NUMA1: variants seen among roughly 807,000 people sequenced by gnomAD.
NUMA1 encodes the protein nuclear mitotic apparatus protein 1, also known as SP-H antigen.
Under a neutral mutation model 237.1 loss-of-function variants are expected in NUMA1, and 62 were observed. The ratio of observed to expected loss-of-function variants is 0.26; its 90% confidence interval spans 0.21 to 0.32. NUMA1 has a LOEUF of 0.32. Ranked by LOEUF, NUMA1 falls within the 10% of genes least tolerant of loss-of-function variation. The probability of loss-of-function intolerance (pLI) is 1.00; values close to 1 mark genes in which losing one functional copy is unlikely to be tolerated. For synonymous variants in NUMA1, 1,028 were observed against 1,066.1 expected, an observed-to-expected ratio of 0.96 and a Z score of 0.70; for missense variants, 2,533 against 2,666.5, an observed-to-expected ratio of 0.95 and a Z score of 1.10.
At chr11:72,043,019 G>A (rs2135902200) in intron 2 of NUMA1, among the ~76,000 whole-genome samples, 1 of 152,272 alleles carries the variant, frequency 6.6e-6, no homozygotes, top group South Asian at 2.1e-4. Flanking sequence ...CTACTTGGGA[G>A]GCTGAGGTGG....
intron 7 of NUMA1, among the ~76,000 whole-genome samples, chr11:72,021,969 A>C (rs1938901127): frequency 6.6e-6 from 1 of 151,180 alleles, no homozygotes; most frequent in Admixed American, 6.6e-5. Context: ...TACCAGAGGA[A>C]AGGATGAGAT....
At chr11:72,027,892 A>G (rs1417555339) in intron 4 of NUMA1, among the ~76,000 whole-genome samples, 1 of 152,250 alleles carries the variant, frequency 6.6e-6, no homozygotes, top group Non-Finnish European at 1.5e-5. Flanking sequence ...ATTAGAGATC[A>G]GCGCCAAGGA....
At chr11:72,003,625 C>T (rs1013554561) in intron 26 of NUMA1, 87 bp from the exon 27 acceptor site, 55 of 1,545,942 alleles carry the variant, frequency 3.6e-5, no homozygotes, top group South Asian at 2.5e-4. Context: ...CCTGCTCCCA[C>T]GCCCCTGTCT....
intron 25 of NUMA1, 33 bp downstream of exon 25, chr11:72,004,192 C>T (rs1238372348): frequency 3.1e-6 from 5 of 1,603,440 alleles, no homozygotes; most frequent in Middle Eastern, 1.7e-4. Flanking sequence ...CCCGCCAGGG[C>T]GTCGCTTCAT....
intron 3 of NUMA1, among the ~76,000 whole-genome samples, chr11:72,031,762 T>A (rs986380381): frequency 4.6e-5 from 7 of 152,066 alleles, no homozygotes; most frequent in African/African-American, 1.7e-4. Flanking sequence ...TACAGCGAGC[T>A]ATGATCACAC....
chr11:72,056,306 G>A (rs1384642526), intron 2 of NUMA1, among the ~76,000 whole-genome samples: 4 of 146,912 alleles, frequency 2.7e-5, no homozygotes, highest in East Asian at 2.0e-4. Flanking sequence ...CCTGAGTGAC[G>A]CAGCAAGATC....
Position 72,015,919 on chromosome 11 carries a change from G to A in NUMA1, c.1584C>T (p.Ala528=), listed in dbSNP as rs762424065. The change falls in exon 15 of 27, where the codon GCC becomes GCT. Residue 528 remains alanine (A), a synonymous_variant. Coordinates refer to ENST00000393695, the MANE Select transcript of NUMA1 (RefSeq NM_006185.4). The surrounding 1 kb of genome is among the most constrained non-coding windows in gnomAD (Gnocchi z 4.0). ...DQELAGLKQQ[A]KEKQAQLAQT... ...GTGCTAGCTGGGCCTGCTTCTCTTT[G>A]GCCTGCTGCTTCAGGCCAGCCAGTT... The A allele has an allele frequency of 1.2e-6, 2 of 1,613,936 alleles. No homozygotes were observed. Among genetic ancestry groups the A allele is most frequent in the East Asian group, 4.5e-5 (2 of 44,888 alleles).
In NUMA1 at chr11:72,014,679, C is replaced by G. The variant is rs762463840; in HGVS notation, c.2824G>C (p.Ala942Pro). The G allele has an allele frequency of 6.2e-7, 1 of 1,613,534 alleles. No homozygotes were observed. Among genetic ancestry groups the G allele is most frequent in the East Asian group, 2.2e-5 (1 of 44,878 alleles). ...TASRELVKEP[A>P]RAGDRQPEWL... ...TCGGGCTGTCTGTCTCCTGCCCTCG[C>G]AGGCTCCTTGACTAACTCCCGGGAG... Residue 942 changes from alanine (A) to proline (P), a missense_variant, in exon 15 of 27, where the codon GCG (alanine) becomes CCG (proline). Physicochemically the swap from Ala to Pro is conservative, Grantham distance 27. Transcript: ENST00000393695. The surrounding 1 kb of genome is among the most constrained non-coding windows in gnomAD (Gnocchi z 4.6).
chr11:72,021,034 A>T, intron 8 of NUMA1, 170 bp downstream of exon 8: 1 of 619,746 alleles, frequency 1.6e-6, no homozygotes, highest in Non-Finnish European at 2.9e-6. Context: ...AACTGAGATG[A>T]TACAACATGG....
chr11:72,019,353 G>A lies in NUMA1; in HGVS notation c.584+141C>T, dbSNP rs939269803. On this transcript the variant is annotated intron_variant, in intron 9 of 26. Coordinates refer to ENST00000393695, the MANE Select transcript of NUMA1 (RefSeq NM_006185.4). ...CAACCACTTCCCCCAGTTAATACTG[G>A]GTGAGGTGAGGAGATCCCAGATCTA... 5 of 1,124,586 alleles carry A rather than the reference G, an allele frequency of 4.4e-6. 1 individual carries two copies. The highest frequency in any genetic ancestry group is 1.3e-6 in the Non-Finnish European group (1 of 791,438). 69.7% of individuals were successfully genotyped at this position (1,124,586 alleles called of 1,614,324 possible).
chr11:72,075,396 G>A (rs1943663280), intron 1 of NUMA1, among the ~76,000 whole-genome samples: 1 of 152,156 alleles, frequency 6.6e-6, no homozygotes, highest in South Asian at 2.1e-4. Flanking sequence ...GTTCTTCCCA[G>A]TTGCCTTCTA....
intron 2 of NUMA1, among the ~76,000 whole-genome samples, chr11:72,061,475 TGTTTC>T (rs1942933888): frequency 8.8e-6 from 1 of 114,208 alleles, no homozygotes; most frequent in African/African-American, 3.3e-5. Flanking sequence ...TCGTCTTCCT[TGTTTC>T]TTTTCTTTTT....
At chr11:72,004,154 G>A (rs992973594) in intron 25 of NUMA1, 55 bp from the exon 26 acceptor site, 13 of 1,609,332 alleles carry the variant, frequency 8.1e-6, no homozygotes, top group South Asian at 1.1e-5. Flanking sequence ...CCAGGCCAGC[G>A]TGCTGTGCCA....
In NUMA1 at chr11:72,023,155, G is replaced by A; in HGVS notation, c.209-8C>T. Reference sequence around the variant, plus strand: ...AGGGATGTTTTCGATTTTCTGCAATGACAACAACGTAGAAAACAGGGTGAA... The same window carrying A: ...AGGGATGTTTTCGATTTTCTGCAATAACAACAACGTAGAAAACAGGGTGAA... On this transcript the variant is annotated splice_polypyrimidine_tract_variant and splice_region_variant and intron_variant, in intron 5 of 26. Coordinates refer to ENST00000393695, the MANE Select transcript of NUMA1 (RefSeq NM_006185.4). 3 of 1,604,784 alleles carry A rather than the reference G, an allele frequency of 1.9e-6. No individual in the cohort carries two copies. The highest frequency in any genetic ancestry group is 2.6e-6 in the Non-Finnish European group (3 of 1,172,132).
At chr11:72,005,537 T>G in intron 22 of NUMA1, 168 bp from the exon 23 acceptor site, 1 of 611,160 alleles carries the variant, frequency 1.6e-6, no homozygotes, top group Non-Finnish European at 2.8e-6. Flanking sequence ...AGACTATTTC[T>G]ATCCTAGGGG....
intron 2 of NUMA1, among the ~76,000 whole-genome samples, chr11:72,056,632 C>G (rs1591055274): frequency 4.0e-5 from 1 of 25,234 alleles, no homozygotes; most frequent in Non-Finnish European, 1.3e-4. Context: ...GATCCCATCT[C>G]TTTAAAAAAA....
At chr11:72,009,970 C>G (rs1956035617) in intron 17 of NUMA1, among the ~76,000 whole-genome samples, 1 of 152,200 alleles carries the variant, frequency 6.6e-6, no homozygotes, top group South Asian at 2.1e-4. Flanking sequence ...GACCATAACT[C>G]CTTAAGAGCA....
At chr11:72,031,125 A>G (rs1940248473) in intron 3 of NUMA1, among the ~76,000 whole-genome samples, 1 of 151,944 alleles carries the variant, frequency 6.6e-6, no homozygotes, top group Admixed American at 6.6e-5. Context: ...CCTTGTCTCT[A>G]CTAAATAAAT....
At position 72,075,034 on chromosome 11, in the gene NUMA1, A is replaced by AAAATAAATAAATAAATAAATAAAT. The variant is rs35313309; in HGVS notation, c.-102-5147_-102-5124dup. Among the ~76,000 whole-genome samples, 202 of 148,444 alleles carry AAAATAAATAAATAAATAAATAAAT rather than the reference A, an allele frequency of 1.4e-3. 2 individuals carry two copies. Among genetic ancestry groups the AAAATAAATAAATAAATAAATAAAT allele is most frequent in the African/African-American group, 4.8e-3 (194 of 40,136 alleles). On this transcript the variant is annotated intron_variant, in intron 1 of 26. Transcript: ENST00000393695. Reference sequence around the variant, plus strand: ...GGGCGACAGAGTGAGACTCCATCTCAAAATAAATAAATAAATAAATAAATA... The same window carrying AAAATAAATAAATAAATAAATAAAT: ...GGGCGACAGAGTGAGACTCCATCTCAAAATAAATAAATAAATAAATAAATAAATAAATAAATAAATAAATAAATA...
Sources: gnomAD v4.1 joint callset for allele counts (sites outside exome capture counted in the v4.1 genomes callset) on GRCh38, gnomAD v4.1.1 for gene constraint, Gnocchi (gnomAD v3.1) non-coding constraint, MANE v1.5 for transcripts, NCBI Gene and HGNC (gene_info 2026-07-23, HGNC 2026-07-21) for gene names.